The following ABCG2 variants were observed in gnomAD, a reference collection of about 807,000 sequenced individuals.
ABCG2 encodes ATP binding cassette subfamily G member 2 (JR blood group).
In ABCG2, 80 loss-of-function variants were observed where a neutral mutation model predicts 73.5. That is an observed-to-expected ratio of 1.09 (90% CI 0.91 to 1.31). The LOEUF (loss-of-function observed/expected upper bound fraction) is 1.31, where lower values mean the gene tolerates loss of function less well. ABCG2 is among the 50% of genes most tolerant of loss of function. ABCG2 has a pLI of 0.00. For synonymous variants in ABCG2, 269 were observed against 282.4 expected, an observed-to-expected ratio of 0.95 and a Z score of 0.48; for missense variants, 796 against 786.2, an observed-to-expected ratio of 1.01 and a Z score of -0.15.
At chr4:88,221,686 CT>C (rs1353751399) in intron 1 of ABCG2, among the ~76,000 whole-genome samples, 1 of 152,142 alleles carries the variant, frequency 6.6e-6, no homozygotes, top group African/African-American at 2.4e-5. Flanking sequence ...TGCAACAAGA[CT>C]GGTGGCATTT....
chr4:88,194,068 A>T (rs1257156185), intron 1 of ABCG2, among the ~76,000 whole-genome samples: 1 of 152,160 alleles, frequency 6.6e-6, no homozygotes, highest in Non-Finnish European at 1.5e-5. Flanking sequence ...TTAAAAAAAC[A>T]TTTTCAAGAA....
intron 1 of ABCG2, among the ~76,000 whole-genome samples, chr4:88,169,159 C>A (rs1727657141): frequency 6.6e-6 from 1 of 151,724 alleles, no homozygotes; most frequent in African/African-American, 2.4e-5. Flanking sequence ...AATTCTCCTG[C>A]CTCAGCCTCC....
intron 2 of ABCG2, among the ~76,000 whole-genome samples, chr4:88,137,068 A>C (rs2929060): frequency 0.33 from 50,378 of 150,900 alleles, 8,668 homozygotes; most frequent in South Asian, 0.38. Flanking sequence ...AATAAGAATG[A>C]GGAGATATAT....
chr4:88,182,523 C>CA (rs565280709), intron 1 of ABCG2, among the ~76,000 whole-genome samples: 18 of 150,016 alleles, frequency 1.2e-4, no homozygotes, highest in Admixed American at 6.6e-4. Context: ...TTTAAAAATT[C>CA]AAAAAAAAAT....
At chr4:88,209,309 C>CAAAAAAAAAAAAAAAA (rs60027656) in intron 1 of ABCG2, among the ~76,000 whole-genome samples, 1 of 81,466 alleles carries the variant, frequency 1.2e-5, no homozygotes, top group African/African-American at 5.0e-5. Context: ...GACTCCATCT[C>CAAAAAAAAAAAAAAAA]AAAAAAAAAA....
chr4:88,226,426 C>T (rs1478756524), intron 1 of ABCG2, among the ~76,000 whole-genome samples: 1 of 152,220 alleles, frequency 6.6e-6, no homozygotes, highest in African/African-American at 2.4e-5. Context: ...CCGAAAAGAA[C>T]ATTTGCTATT....
chr4:88,222,248 AT>A (rs1730037405), intron 1 of ABCG2, among the ~76,000 whole-genome samples: 3 of 152,214 alleles, frequency 2.0e-5, no homozygotes, highest in African/African-American at 4.8e-5. Context: ...GAGGAAATGT[AT>A]GGAAGTATGG....
At chr4:88,218,161 CT>C (rs1052266658) in intron 1 of ABCG2, among the ~76,000 whole-genome samples, 6 of 152,258 alleles carry the variant, frequency 3.9e-5, no homozygotes, top group African/African-American at 1.4e-4. Context: ...CAAATATTTG[CT>C]CAAATGTCAA....
At chr4:88,099,230 T>G in intron 12 of ABCG2, 94 bp downstream of exon 12, 2 of 1,288,102 alleles carry the variant, frequency 1.6e-6, no homozygotes, top group Admixed American at 5.5e-5. Flanking sequence ...TGGTTTATAG[T>G]TTTGAGAACC....
At chr4:88,165,389 G>A (rs1727475918) in intron 1 of ABCG2, among the ~76,000 whole-genome samples, 1 of 152,146 alleles carries the variant, frequency 6.6e-6, no homozygotes. Context: ...TTTCAATCTT[G>A]TAGAGGCCAC....
intron 1 of ABCG2, among the ~76,000 whole-genome samples, chr4:88,227,412 A>T (rs1227407814): frequency 6.6e-6 from 1 of 152,186 alleles, no homozygotes; most frequent in Non-Finnish European, 1.5e-5. Context: ...AATAAATAAA[A>T]TAAATAAATA....
At chr4:88,121,278 A>G (rs1407868599) in intron 6 of ABCG2, among the ~76,000 whole-genome samples, 1 of 152,190 alleles carries the variant, frequency 6.6e-6, no homozygotes, top group African/African-American at 2.4e-5. Flanking sequence ...GAAGAATAAG[A>G]TGAAAAAGGT....
intron 1 of ABCG2, among the ~76,000 whole-genome samples, chr4:88,194,968 T>C (rs966820428): frequency 6.6e-6 from 1 of 152,210 alleles, no homozygotes. Flanking sequence ...GTCTATGTTT[T>C]AAAGGAATCT....
At chr4:88,178,751 G>A (rs1002775112) in intron 1 of ABCG2, among the ~76,000 whole-genome samples, 2 of 152,254 alleles carry the variant, frequency 1.3e-5, no homozygotes, top group Non-Finnish European at 2.9e-5. Flanking sequence ...AGAACCCTGG[G>A]GCAGGCAGTA....
chr4:88,161,887 CAT>C (rs1267124267), upstream of ABCG2, among the ~76,000 whole-genome samples: 1 of 131,992 alleles, frequency 7.6e-6, no homozygotes, highest in African/African-American at 3.0e-5. Flanking sequence ...GATGATATCT[CAT>C]AGTGGTTTTG....
At chr4:88,230,420 C>T (rs1349318428) in intron 1 of ABCG2, among the ~76,000 whole-genome samples, 2 of 151,054 alleles carry the variant, frequency 1.3e-5, no homozygotes, top group Non-Finnish European at 2.9e-5. Flanking sequence ...TTCAAAGTGA[C>T]CACCAGCCAC....
intron 1 of ABCG2, among the ~76,000 whole-genome samples, chr4:88,221,382 A>C (rs1012508307): frequency 2.0e-5 from 3 of 152,218 alleles, no homozygotes; most frequent in Non-Finnish European, 4.4e-5. Flanking sequence ...GGTTGCTGCT[A>C]TAAGGATACC....
chr4:88,111,870 C>G (rs560912069), intron 9 of ABCG2, among the ~76,000 whole-genome samples: 6 of 152,016 alleles, frequency 3.9e-5, no homozygotes, highest in Non-Finnish European at 7.4e-5. Context: ...GCAGGAGGAT[C>G]GCTTGAGCCC....
intron 1 of ABCG2, among the ~76,000 whole-genome samples, chr4:88,154,838 G>A (rs866048502): frequency 4.6e-5 from 7 of 152,216 alleles, no homozygotes; most frequent in African/African-American, 1.4e-4. Context: ...GAAGTTATGA[G>A]AGCTGTAGAG....
Sources: gnomAD v4.1 joint callset for allele counts (sites outside exome capture counted in the v4.1 genomes callset) on GRCh38, gnomAD v4.1.1 for gene constraint, MANE v1.5 for transcripts, NCBI Gene and HGNC (gene_info 2026-07-23, HGNC 2026-07-21) for gene names.